Variants in USP4 observed in about 807,000 individuals in gnomAD.
The protein encoded by USP4 is ubiquitin specific peptidase 4, also known as ubiquitin carboxyl-terminal hydrolase 4.
Under a neutral mutation model 118.2 loss-of-function variants are expected in USP4, and 72 were observed. That is an observed-to-expected ratio of 0.61 (90% CI 0.50 to 0.74). The LOEUF (loss-of-function observed/expected upper bound fraction) is 0.74. Ranked by LOEUF, USP4 falls within the 30% of genes least tolerant of loss-of-function variation. USP4 has a pLI of 0.00. For synonymous variants in USP4, 415 were observed against 440.4 expected (o/e 0.94, Z 0.72); for missense variants, 1,037 against 1,185.7 (o/e 0.87, Z 1.84).
chr3:49,277,951 G>C lies in USP4; in HGVS notation c.*342C>G. 2.4e-6 allele frequency: 1 copy of C among 412,474 alleles called. No individual in the cohort carries two copies. The highest frequency in any genetic ancestry group is 4.2e-5 in the Admixed American group (1 of 23,858). The allele number at this position is 412,474 out of a possible 1,614,324, so 25.6% of individuals were successfully genotyped here. A position where few individuals can be genotyped will look rare whatever the true frequency, so the allele number is the denominator to read the frequency against. Reference sequence around the variant, plus strand: ...CAGGGCAGCCCTGCAGGTGGGGTGGGTCTCCAGGCTGCTCCATACTCAGCG... The same window carrying C: ...CAGGGCAGCCCTGCAGGTGGGGTGGCTCTCCAGGCTGCTCCATACTCAGCG... On this transcript the variant is annotated 3_prime_UTR_variant, in exon 22 of 22. Coordinates refer to ENST00000265560, the MANE Select transcript of USP4 (RefSeq NM_003363.4).
intron 9 of USP4, among the ~76,000 whole-genome samples, chr3:49,303,995 C>G (rs1242405862): frequency 1.3e-5 from 2 of 152,138 alleles, no homozygotes; most frequent in Non-Finnish European, 2.9e-5. Flanking sequence ...TCAAGTGATC[C>G]ACCCACCTTG....
intron 3 of USP4, among the ~76,000 whole-genome samples, chr3:49,327,435 C>T (rs570751827): frequency 2.1e-4 from 32 of 152,240 alleles, no homozygotes; most frequent in African/African-American, 7.0e-4. Context: ...ACTCAGGAGG[C>T]TGAGGCACGA....
At chr3:49,311,870 T>G in intron 6 of USP4, 2 of 1,221,796 alleles carry the variant, frequency 1.6e-6, no homozygotes, top group East Asian at 4.6e-5. Flanking sequence ...CACCACCACA[T>G]ACCCTTTCAG....
chr3:49,294,802 C>T (rs944192127), intron 13 of USP4, among the ~76,000 whole-genome samples: 1 of 152,166 alleles, frequency 6.6e-6, no homozygotes. Context: ...ACAATGTGAA[C>T]CTATACAACC....
At chr3:49,317,309 C>A in intron 6 of USP4, 1 of 1,423,714 alleles carries the variant, frequency 7.0e-7, no homozygotes, top group East Asian at 2.4e-5. Flanking sequence ...GCCAGCTTCT[C>A]TGTCAGCTGC....
chr3:49,288,208 C>T (rs769169049), intron 15 of USP4, among the ~76,000 whole-genome samples: 7 of 152,162 alleles, frequency 4.6e-5, no homozygotes, highest in Non-Finnish European at 7.3e-5. Flanking sequence ...AAAAACCTGC[C>T]CTGCCTGCTG....
At chr3:49,305,938 A>C (rs1345005783) in intron 8 of USP4, 50 bp from the exon 9 acceptor site, 1 of 1,511,226 alleles carries the variant, frequency 6.6e-7, no homozygotes, top group Non-Finnish European at 8.9e-7. Flanking sequence ...ACAGTACCAG[A>C]GATACAAGAT....
chr3:49,339,308 A>C (rs974755860), intron 1 of USP4, among the ~76,000 whole-genome samples: 2 of 152,162 alleles, frequency 1.3e-5, no homozygotes, highest in Non-Finnish European at 2.9e-5. Context: ...CTAATAACTC[A>C]GCCTGGGTCT....
In USP4 at chr3:49,277,210, T is replaced by C. The variant is rs1376300852; in HGVS notation, c.*1083A>G. ...CCCGCAGCGCAGTGACGCCGACCCA[T>C]CCAACGGTCATCGCATGCGCGTGCC... On this transcript the variant is annotated 3_prime_UTR_variant, in exon 22 of 22. Coordinates refer to ENST00000265560, the MANE Select transcript of USP4 (RefSeq NM_003363.4). 1 of 1,336,522 alleles carries C rather than the reference T, an allele frequency of 7.5e-7. No homozygotes were observed. Among genetic ancestry groups the C allele is most frequent in the Non-Finnish European group, 9.8e-7 (1 of 1,019,746 alleles). The allele number at this position is 1,336,522 out of a possible 1,614,324, so 82.8% of individuals were successfully genotyped here.
chr3:49,325,005 G>T lies in USP4; in HGVS notation c.522C>A (p.Asn174Lys). 6.2e-7 allele frequency: 1 copy of T among 1,613,958 alleles called. No individual in the cohort carries two copies. The highest frequency in any genetic ancestry group is 8.5e-7 in the Non-Finnish European group (1 of 1,179,994). ...GCCGTGTTTCACGCTCCGCAGGGAT[G>T]TTGAATAGCTTCCGCATCTCTTTCT... ...TIEKEMRKLF[N>K]IPAERETRLW... The change falls in exon 5 of 22, where the codon AAC becomes AAA. Residue 174 changes from asparagine (N) to lysine (K), a missense_variant. Physicochemically the swap from Asn to Lys is moderately conservative, Grantham distance 94. Transcript: ENST00000265560.
chr3:49,292,678 A>G (rs1363248448), intron 14 of USP4, 80 bp from the exon 15 acceptor site: 2 of 963,368 alleles, frequency 2.1e-6, no homozygotes, highest in Non-Finnish European at 3.1e-6. Context: ...GCGGCTAAGA[A>G]GTAGTTCATA....
At chr3:49,329,840 A>T (rs928964032) in intron 2 of USP4, among the ~76,000 whole-genome samples, 1 of 152,124 alleles carries the variant, frequency 6.6e-6, no homozygotes, top group African/African-American at 2.4e-5. Context: ...AAATAATAAG[A>T]CTTGAAAGTT....
intron 15 of USP4, 91 bp downstream of exon 15, chr3:49,292,419 C>T: frequency 1.2e-6 from 1 of 828,978 alleles, no homozygotes; most frequent in Non-Finnish European, 1.8e-6. Flanking sequence ...AGTCCCAACC[C>T]CCTTCTCCCA....
chr3:49,338,853 T>C (rs1354929547), intron 1 of USP4, among the ~76,000 whole-genome samples: 7 of 151,458 alleles, frequency 4.6e-5, no homozygotes, highest in Non-Finnish European at 1.0e-4. Flanking sequence ...TTCTTAAAGA[T>C]AGGTAACACT....
At chr3:49,315,685 C>T (rs2107791397) in intron 6 of USP4, among the ~76,000 whole-genome samples, 1 of 152,292 alleles carries the variant, frequency 6.6e-6, no homozygotes, top group South Asian at 2.1e-4. Flanking sequence ...CACCTTTCTA[C>T]TGGTAAGTCC....
At chr3:49,298,520 T>A in intron 12 of USP4, 32 bp downstream of exon 12, 1 of 1,608,184 alleles carries the variant, frequency 6.2e-7, no homozygotes, top group South Asian at 1.1e-5. Flanking sequence ...GTATCCCAAA[T>A]AGACCGAGTG....
At chr3:49,337,624 G>A (rs577499700) in intron 1 of USP4, among the ~76,000 whole-genome samples, 1 of 151,696 alleles carries the variant, frequency 6.6e-6, no homozygotes, top group South Asian at 2.1e-4. Context: ...TTTTGTAGAG[G>A]CTAGCTCTTG....
At chr3:49,316,034 T>A (rs1457164380) in intron 6 of USP4, among the ~76,000 whole-genome samples, 1 of 151,874 alleles carries the variant, frequency 6.6e-6, no homozygotes, top group African/African-American at 2.4e-5. Flanking sequence ...AGGAACCCCA[T>A]CTCTACTAAA....
chr3:49,303,540 T>C (rs2047281869), intron 9 of USP4, among the ~76,000 whole-genome samples: 1 of 150,470 alleles, frequency 6.6e-6, no homozygotes, highest in African/African-American at 2.5e-5. Context: ...TTTACATTAA[T>C]TACAATTAAA....
Sources: allele counts gnomAD v4.1 joint callset (sites outside exome capture counted in the v4.1 genomes callset), GRCh38; gene constraint gnomAD v4.1.1; transcripts MANE v1.5; gene names NCBI Gene and HGNC (gene_info 2026-07-23, HGNC 2026-07-21).